PRIM1: variants seen among roughly 807,000 people sequenced by gnomAD.
The protein encoded by PRIM1 is DNA primase subunit 1.
A neutral mutation model predicts 60.2 loss-of-function variants in PRIM1; 38 were observed. The observed-to-expected ratio is 0.63, with a 90% confidence interval of 0.49 to 0.83. The LOEUF is 0.83. PRIM1 is among the 40% of genes least tolerant of loss of function. PRIM1 has a pLI of 0.00. For synonymous variants in PRIM1, 158 were observed against 160.2 expected (o/e 0.99, Z 0.10); for missense variants, 388 against 506.2 (o/e 0.77, Z 2.24).
chr12:56,749,450 G>A (rs988525188), intron 2 of PRIM1, among the ~76,000 whole-genome samples: 1 of 152,186 alleles, frequency 6.6e-6, no homozygotes, highest in Non-Finnish European at 1.5e-5. Context: ...AGAAAAAAAT[G>A]AGACGTTTTC....
chr12:56,742,719 G>A (rs1953881350), intron 7 of PRIM1, among the ~76,000 whole-genome samples: 1 of 152,156 alleles, frequency 6.6e-6, no homozygotes, highest in African/African-American at 2.4e-5. Context: ...TCCCTGGTCT[G>A]CATGTATTTT....
chr12:56,740,635 T>C (rs1953865546), intron 9 of PRIM1, among the ~76,000 whole-genome samples: 1 of 152,012 alleles, frequency 6.6e-6, no homozygotes, highest in Non-Finnish European at 1.5e-5. Flanking sequence ...CTGGCTGTGG[T>C]AGCACATGCC....
In PRIM1 at chr12:56,731,622, T is replaced by C. The variant is rs1419369603; in HGVS notation, c.*93A>G. ...TTTACTTTGAGGTTTAAGACACATA[T>C]ATAGTTCTGCCATATTTATTAAATG... On this transcript the variant is annotated 3_prime_UTR_variant, in exon 13 of 13. Coordinates refer to ENST00000338193, the MANE Select transcript of PRIM1 (RefSeq NM_000946.3). 6.8e-6 allele frequency: 8 copies of C among 1,183,166 alleles called. No individual in the cohort carries two copies. Among genetic ancestry groups the C allele is most frequent in the African/African-American group, 1.6e-5 (1 of 63,532 alleles). The allele number at this position is 1,183,166 out of a possible 1,614,324, so 73.3% of individuals were successfully genotyped here.
chr12:56,746,486 C>G (rs562627665), intron 4 of PRIM1: 1 of 564,244 alleles, frequency 1.8e-6, no homozygotes, highest in East Asian at 3.4e-5. Flanking sequence ...CAAAAATTAA[C>G]TGGGCGTGGT....
intron 11 of PRIM1, among the ~76,000 whole-genome samples, chr12:56,735,103 G>A (rs971587951): frequency 7.3e-5 from 11 of 151,280 alleles, no homozygotes; most frequent in Admixed American, 4.0e-4. Context: ...GAGCCACCGC[G>A]CCCGGTCCAT....
intron 1 of PRIM1, 73 bp from the exon 2 acceptor site, chr12:56,751,268 T>A: frequency 1.7e-6 from 2 of 1,179,866 alleles, no homozygotes; most frequent in Non-Finnish European, 2.3e-6. Context: ...TTTTAGCCAA[T>A]GAGAAGTTTT....
rs759725377 is a variant in PRIM1, at chr12:56,746,912, C to T, written c.368+14G>A. 8 of 1,612,644 alleles carry T rather than the reference C, an allele frequency of 5.0e-6. No homozygotes were observed. Among genetic ancestry groups the T allele is most frequent in the Non-Finnish European group, 6.8e-6 (8 of 1,178,900 alleles). ...GATACCACCCACCCTAACAGCAAGA[C>T]ACACAGTGCTCACCTACAACATCTC... On this transcript the variant is annotated intron_variant, in intron 3 of 12. Coordinates refer to ENST00000338193, the MANE Select transcript of PRIM1 (RefSeq NM_000946.3).
chr12:56,741,469 T>G lies in PRIM1; in HGVS notation c.948A>C (p.Leu316=). The G allele has an allele frequency of 4.3e-6, 7 of 1,613,778 alleles. No individual in the cohort carries two copies. Among genetic ancestry groups the G allele is most frequent in the Non-Finnish European group, 5.1e-6 (6 of 1,179,824 alleles). Residue 316 remains leucine, a synonymous_variant, in exon 9 of 13, where the codon CTA becomes CTC. Coordinates refer to ENST00000338193, the MANE Select transcript of PRIM1 (RefSeq NM_000946.3). ...DINVSKGINH[L]LKSPFSVHPK... is the part of the protein sequence containing the mutation. Reference sequence around the variant, plus strand: ...GATGAACACTAAAAGGGCTCTTCAGTAGATGATTGATTCCTTTGCTGACAT... The same window carrying G: ...GATGAACACTAAAAGGGCTCTTCAGGAGATGATTGATTCCTTTGCTGACAT...
Position 56,731,620 on chromosome 12 carries a change from T to C in PRIM1, c.*95A>G, listed in dbSNP as rs578260264. On this transcript the variant is annotated 3_prime_UTR_variant, in exon 13 of 13. Transcript: ENST00000338193. ...AATTTACTTTGAGGTTTAAGACACATATATAGTTCTGCCATATTTATTAAA... is the reference window on the plus strand; with the variant it reads ...AATTTACTTTGAGGTTTAAGACACACATATAGTTCTGCCATATTTATTAAA... The C allele has an allele frequency of 5.0e-4, 577 of 1,158,136 alleles. 2 individuals are homozygous for C. The highest frequency in any genetic ancestry group is 2.4e-3 in the South Asian group (165 of 68,564). 71.7% of individuals were successfully genotyped at this position (1,158,136 alleles called of 1,614,324 possible).
intron 2 of PRIM1, among the ~76,000 whole-genome samples, chr12:56,747,446 T>G (rs1027060975): frequency 4.6e-5 from 7 of 152,194 alleles, no homozygotes; most frequent in African/African-American, 1.7e-4. Context: ...GAGACTTTAT[T>G]ATAAAGAGGC....
intron 11 of PRIM1, among the ~76,000 whole-genome samples, chr12:56,736,604 A>C (rs1417616970): frequency 1.3e-5 from 2 of 151,866 alleles, no homozygotes; most frequent in Non-Finnish European, 2.9e-5. Flanking sequence ...CCCGGGCTCA[A>C]GTGATTCTTG....
intron 6 of PRIM1, chr12:56,743,366 C>T (rs772076728): frequency 2.1e-5 from 5 of 240,490 alleles, no homozygotes; most frequent in Middle Eastern, 1.4e-3. Context: ...GGTTAATATA[C>T]GCAATAAGGG....
At position 56,742,972 on chromosome 12, in the gene PRIM1, C is replaced by T. The variant is rs1402269136; in HGVS notation, c.748+15G>A. The T allele has an allele frequency of 2.7e-6, 4 of 1,499,010 alleles. No homozygotes were observed. The African/African-American group carries it at 4.3e-5, about 16-fold the overall frequency. The allele number at this position is 1,499,010 out of a possible 1,614,324, so 92.9% of individuals were successfully genotyped here. On this transcript the variant is annotated intron_variant, in intron 7 of 12. Transcript: ENST00000338193. ...AACAACTAGCTCACACAGAAATGAT[C>T]ACGGGAAAGGATATTTTCAGGAACA...
At chr12:56,745,986 T>C (rs1242597815) in intron 5 of PRIM1, 59 bp downstream of exon 5, 6 of 1,456,008 alleles carry the variant, frequency 4.1e-6, no homozygotes, top group Non-Finnish European at 3.7e-6. Flanking sequence ...AGTAAACATA[T>C]CAGGCTTGGT....
chr12:56,752,318 G>A lies in PRIM1; in HGVS notation c.-20C>T, dbSNP rs1213505602. 2.0e-6 allele frequency: 3 copies of A among 1,529,316 alleles called. No homozygotes were observed. The highest frequency in any genetic ancestry group is 2.4e-5 in the South Asian group (2 of 83,778). The allele number at this position is 1,529,316 out of a possible 1,614,324, so 94.7% of individuals were successfully genotyped here. On this transcript the variant is annotated 5_prime_UTR_variant, in exon 1 of 13. Coordinates refer to ENST00000338193, the MANE Select transcript of PRIM1 (RefSeq NM_000946.3). The stretch of plus-strand genomic sequence containing the variant: ...CTCCATTGAGCGCGGAACTCGCCAC[G>A]GTAAGGATTACCACAGGAATTGGCG...
chr12:56,735,236 C>T (rs1953818338), intron 11 of PRIM1, among the ~76,000 whole-genome samples: 1 of 151,344 alleles, frequency 6.6e-6, no homozygotes, highest in African/African-American at 2.4e-5. Flanking sequence ...GTAGCTGGGA[C>T]TATAGGTGTG....
In PRIM1 at chr12:56,741,830, A is replaced by G. The variant is rs1237555983; in HGVS notation, c.756T>C (p.His252=). 1 of 1,613,956 alleles carries G rather than the reference A, an allele frequency of 6.2e-7. No homozygotes were observed. Among genetic ancestry groups the G allele is most frequent in the Non-Finnish European group, 8.5e-7 (1 of 1,179,836 alleles). Residue 252 remains histidine (H), a synonymous_variant, in exon 8 of 13, where the codon CAT becomes CAC. Transcript: ENST00000338193. The part of the protein sequence containing the change: ...KILALVPETI[H]DELQQSFQKS... The stretch of plus-strand genomic sequence containing the variant: ...TTTGGAAGCTTTGTTGAAGTTCATC[A>G]TGAATTGGTGATGGGTCATTAAGGA...
At chr12:56,741,891 G>A (rs1592333671) in intron 7 of PRIM1, 54 bp from the exon 8 acceptor site, 3 of 1,463,876 alleles carry the variant, frequency 2.0e-6, no homozygotes, top group Non-Finnish European at 2.9e-6. Context: ...GAACAATTTA[G>A]TTTTAAGTAT....
Position 56,751,019 on chromosome 12 carries a change from T to C in PRIM1, c.261+19A>G. The C allele has an allele frequency of 7.2e-7, 1 of 1,397,676 alleles. No individual in the cohort carries two copies. The highest frequency in any genetic ancestry group is 9.4e-7 in the Non-Finnish European group (1 of 1,060,464). The allele number at this position is 1,397,676 out of a possible 1,614,324, so 86.6% of individuals were successfully genotyped here. ...TTACAAAATAAAACAACAAAATATA[T>C]TAAAAAAAGATTTCTTACTCTGTGA... On this transcript the variant is annotated intron_variant, in intron 2 of 12. Transcript: ENST00000338193.
Sources: gnomAD v4.1 joint callset for allele counts (sites outside exome capture counted in the v4.1 genomes callset) on GRCh38, gnomAD v4.1.1 for gene constraint, MANE v1.5 for transcripts, NCBI Gene and HGNC (gene_info 2026-07-23, HGNC 2026-07-21) for gene names.